AKAP9: variants seen among roughly 807,000 people sequenced by gnomAD.
AKAP9 encodes A-kinase anchor protein 9.
A neutral mutation model predicts 488.5 loss-of-function variants in AKAP9; 311 were observed. The observed-to-expected ratio is 0.64, with a 90% CI of 0.58 to 0.70. The LOEUF is 0.70. AKAP9 is among the 30% of genes least tolerant of loss of function. AKAP9 has a pLI of 0.00. For synonymous variants in AKAP9, 1,462 were observed against 1,483.5 expected (o/e 0.99, Z 0.33); for missense variants, 4,215 against 4,374.5 (o/e 0.96, Z 1.03).
chr7:92,077,104 T>TC lies in AKAP9; in HGVS notation c.6765+97_6765+98insC, dbSNP rs1812730240. On this transcript the variant is annotated intron_variant, in intron 29 of 49. Coordinates refer to ENST00000356239, the MANE Select transcript of AKAP9 (RefSeq NM_005751.5). ...ATTATTATTATTTCTTTCTTTTTTT[T>TC]TTTTTTTTTGAGACTTAGTCTCACT... The TC allele has an allele frequency of 5.9e-6, 3 of 504,594 alleles. 1 individual carries two copies. Among genetic ancestry groups the TC allele is most frequent in the Admixed American group, 5.4e-5 (1 of 18,652 alleles). 31.3% of individuals were successfully genotyped at this position (504,594 alleles called of 1,614,324 possible).
intron 13 of AKAP9, among the ~76,000 whole-genome samples, 157 bp from the exon 14 acceptor site, chr7:92,022,657 T>G (rs1230583624): frequency 6.6e-6 from 1 of 152,196 alleles, no homozygotes; most frequent in African/African-American, 2.4e-5. Flanking sequence ...TGTTTTCTTG[T>G]TTTCATCAGA....
intron 11 of AKAP9, 123 bp from the exon 12 acceptor site, chr7:92,016,894 A>G (rs1394681976): frequency 4.4e-6 from 3 of 687,336 alleles, no homozygotes; most frequent in Non-Finnish European, 7.8e-6. Context: ...CAGTTACTAA[A>G]TATCTGAGGT....
At chr7:91,987,061 A>G (rs1797188477) in intron 3 of AKAP9, among the ~76,000 whole-genome samples, 2 of 152,186 alleles carry the variant, frequency 1.3e-5, no homozygotes, top group Admixed American at 1.3e-4. Flanking sequence ...CAAAAAAACT[A>G]AATTGATGAG....
intron 14 of AKAP9, among the ~76,000 whole-genome samples, chr7:92,029,124 T>G (rs1184770112): frequency 6.6e-6 from 1 of 152,036 alleles, no homozygotes; most frequent in Non-Finnish European, 1.5e-5. Flanking sequence ...TGCTCCTTTT[T>G]TTTTTCCCAT....
At chr7:92,086,143 A>T (rs1814518671) in intron 36 of AKAP9, 85 bp from the exon 37 acceptor site, 4 of 1,160,112 alleles carry the variant, frequency 3.4e-6, no homozygotes, top group Non-Finnish European at 5.0e-6. Context: ...GCTTTTAATT[A>T]TTTTTCTTTG....
intron 2 of AKAP9, among the ~76,000 whole-genome samples, chr7:91,978,932 ATTTTTTT>A (rs34097770): frequency 8.9e-5 from 8 of 90,382 alleles, no homozygotes; most frequent in Middle Eastern, 6.4e-3. Flanking sequence ...TAGTTTTTGT[ATTTTTTT>A]TTTTTTTTTT....
intron 44 of AKAP9, chr7:92,100,124 T>C: frequency 2.6e-6 from 1 of 386,264 alleles, no homozygotes; most frequent in Middle Eastern, 8.2e-4. Flanking sequence ...ATCCACCTTA[T>C]ACCTGAGAAA....
chr7:92,003,828 A>T (rs1399609075), intron 8 of AKAP9, among the ~76,000 whole-genome samples: 1 of 152,176 alleles, frequency 6.6e-6, no homozygotes, highest in East Asian at 1.9e-4. Context: ...ATAATAATAG[A>T]TCACTCCTGA....
chr7:91,976,254 C>G (rs1196877880), intron 2 of AKAP9, among the ~76,000 whole-genome samples: 1 of 151,964 alleles, frequency 6.6e-6, no homozygotes, highest in East Asian at 1.9e-4. Context: ...GACAGGATCT[C>G]ACTCTCGTCC....
At chr7:92,088,536 T>C (rs1229969047) in intron 37 of AKAP9, among the ~76,000 whole-genome samples, 1 of 152,186 alleles carries the variant, frequency 6.6e-6, no homozygotes, top group Non-Finnish European at 1.5e-5. Context: ...TATTTATGCC[T>C]ACAACCACTT....
rs1247615084 is a variant in AKAP9 at position 92,002,366 on chromosome 7, G to C, written c.2449G>C (p.Val817Leu). The change falls in exon 8 of 50, where the codon GTG (valine) becomes CTG (leucine). Residue 817 changes from valine (V) to leucine (L), a missense_variant. Coordinates refer to ENST00000356239, the MANE Select transcript of AKAP9 (RefSeq NM_005751.5). ...DSIKSKSKDS[V>L]WEKEIEILIE... ...CATTAAGTCCAAATCCAAAGACTCT[G>C]TGTGGGAAAAAGAAATAGAAATACT... is the stretch of plus-strand genomic sequence containing the variant. 6.2e-7 allele frequency: 1 copy of C among 1,612,174 alleles called. No individual in the cohort carries two copies. Among genetic ancestry groups the C allele is most frequent in the African/African-American group, 1.3e-5 (1 of 74,826 alleles).
At position 91,980,385 on chromosome 7, in the gene AKAP9, T is replaced by C. The variant is rs1458701397; in HGVS notation, c.351+52T>C. 5.6e-6 allele frequency: 5 copies of C among 887,070 alleles called. No homozygotes were observed. The African/African-American group carries it at 8.8e-5, about 16-fold the overall frequency. 54.9% of individuals were successfully genotyped at this position (887,070 alleles called of 1,614,324 possible). Reference sequence around the variant, plus strand: ...ATATCATAAATGTATATTTATATTATTATTGAAATCATTGATTGTTGCTAC... The same window carrying C: ...ATATCATAAATGTATATTTATATTACTATTGAAATCATTGATTGTTGCTAC... On this transcript the variant is annotated intron_variant, in intron 3 of 49. Coordinates refer to ENST00000356239, the MANE Select transcript of AKAP9 (RefSeq NM_005751.5).
At chr7:92,037,742 G>A (rs1272295761) in intron 16 of AKAP9, among the ~76,000 whole-genome samples, 13 of 151,966 alleles carry the variant, frequency 8.6e-5, no homozygotes, top group Admixed American at 7.9e-4. Flanking sequence ...TCCGCTTCTG[G>A]GAATTTGTTT....
intron 7 of AKAP9, among the ~76,000 whole-genome samples, chr7:91,996,336 A>C (rs1798403662): frequency 6.6e-6 from 1 of 152,128 alleles, no homozygotes; most frequent in Non-Finnish European, 1.5e-5. Flanking sequence ...TTATAATCTT[A>C]AATCATAAAA....
At chr7:92,099,980 C>A in intron 44 of AKAP9, 111 bp downstream of exon 44, 2 of 1,030,696 alleles carry the variant, frequency 1.9e-6, no homozygotes, top group Non-Finnish European at 3.0e-6. Context: ...ACACCTGATT[C>A]TTAGGATCTG....
rs1259382909 is a variant in AKAP9 at position 92,062,392 on chromosome 7, A to G, written c.5883A>G (p.Glu1961=). ...TATGTGCAAGTAACAGGTTGCAAGA[A>G]TTGGAGGCAGAGCAACAGCAGATCC... The part of the protein sequence containing the change: ...ELLCASNRLQ[E]LEAEQQQIQE... The change falls in exon 24 of 50, where the codon GAA becomes GAG. Residue 1961 remains glutamate (E), a synonymous_variant. Coordinates refer to ENST00000356239, the MANE Select transcript of AKAP9 (RefSeq NM_005751.5). 1 of 1,613,946 alleles carries G rather than the reference A, an allele frequency of 6.2e-7. No individual in the cohort carries two copies. Among genetic ancestry groups the G allele is most frequent in the Non-Finnish European group, 8.5e-7 (1 of 1,179,878 alleles).
intron 7 of AKAP9, among the ~76,000 whole-genome samples, chr7:91,998,955 T>C (rs1798773249): frequency 6.6e-6 from 1 of 152,156 alleles, no homozygotes; most frequent in South Asian, 2.1e-4. Context: ...GATTTATTAA[T>C]ATCCTATTGT....
chr7:92,001,082 C>G lies in AKAP9; in HGVS notation c.1165C>G (p.Gln389Glu). ...GACTAATTCTAAGCAAAAAGAAAGA[C>G]AGTCTTCTGAAGAAATAAAACAGTT... ...ELTNSKQKER[Q>E]SSEEIKQLMG... The change falls in exon 8 of 50, where the codon CAG becomes GAG. Residue 389 changes from glutamine (Q) to glutamate (E), a missense_variant. Transcript: ENST00000356239. 1.2e-6 allele frequency: 2 copies of G among 1,613,396 alleles called. No individual in the cohort carries two copies. Among genetic ancestry groups the G allele is most frequent in the Non-Finnish European group, 1.7e-6 (2 of 1,179,636 alleles).
chr7:92,063,398 A>G (rs562928420), intron 24 of AKAP9: 1 of 908,052 alleles, frequency 1.1e-6, no homozygotes, highest in Non-Finnish European at 1.3e-6. Context: ...CATTTTAGGA[A>G]GTAGAAGACA....
Sources: allele counts gnomAD v4.1 joint callset (sites outside exome capture counted in the v4.1 genomes callset), GRCh38; gene constraint gnomAD v4.1.1; transcripts MANE v1.5; gene names NCBI Gene and HGNC (gene_info 2026-07-23, HGNC 2026-07-21).